Variants in HSD17B12 observed in about 807,000 individuals in gnomAD.
HSD17B12 encodes the protein very-long-chain 3-oxoacyl-CoA reductase.
In HSD17B12, 32 loss-of-function variants were observed where a neutral mutation model predicts 39.3. The observed-to-expected ratio is 0.81, with a 90% CI of 0.61 to 1.09. HSD17B12 has a LOEUF of 1.09. Among genes scored for constraint, HSD17B12 ranks in the 50% least tolerant of loss-of-function variants. HSD17B12 has a pLI of 0.00. For missense variants in HSD17B12, 342 were observed against 382.9 expected, an observed-to-expected ratio of 0.89 and a Z score of 0.89; for synonymous variants, 150 against 146.7, an observed-to-expected ratio of 1.02 and a Z score of -0.16.
chr11:43,729,253 T>C (rs1295143170), intron 1 of HSD17B12, among the ~76,000 whole-genome samples: 2 of 152,240 alleles, frequency 1.3e-5, no homozygotes, highest in Non-Finnish European at 2.9e-5. Context: ...TGAGGACTAT[T>C]GTACATCTAA....
chr11:43,572,413 A>T, the HSD17B12 span, among the ~76,000 whole-genome samples: 1 of 152,174 alleles, frequency 6.6e-6, no homozygotes, highest in African/African-American at 2.4e-5. Context: ...CTCCAACTCC[A>T]CATGTTGGGG....
chr11:43,821,994 ATTCC>A (rs571941525), intron 6 of HSD17B12, among the ~76,000 whole-genome samples: 3 of 152,186 alleles, frequency 2.0e-5, no homozygotes, highest in Non-Finnish European at 2.9e-5. Flanking sequence ...TGGGAAAACC[ATTCC>A]TTCAGGTGAT....
intron 6 of HSD17B12, among the ~76,000 whole-genome samples, chr11:43,824,893 G>A (rs775184926): frequency 1.3e-5 from 2 of 152,220 alleles, no homozygotes; most frequent in Non-Finnish European, 2.9e-5. Context: ...CTACTCAGGA[G>A]GCTGAGGCAG....
At chr11:43,558,259 G>T in the HSD17B12 span, among the ~76,000 whole-genome samples, 3 of 152,018 alleles carry the variant, frequency 2.0e-5, no homozygotes, top group African/African-American at 4.8e-5. Context: ...GACCTTGGGG[G>T]CCAGAGTTCA....
At position 43,798,698 on chromosome 11, in the gene HSD17B12, A is replaced by G. The variant is rs116512815; in HGVS notation, c.391+271A>G. Among the ~76,000 whole-genome samples, 1,323 of 152,202 alleles carry G rather than the reference A, an allele frequency of 8.7e-3. 23 individuals are homozygous for G. Among genetic ancestry groups the G allele is most frequent in the African/African-American group, 0.03 (1,240 of 41,548 alleles). ...GATATACAGTTGTCCCTGGGTATCT[A>G]TGGGTATAGGTTCCAGGACCTCTTC... On this transcript the variant is annotated intron_variant, in intron 4 of 10. Transcript: ENST00000278353.
chr11:43,844,560 CAAA>C (rs796417997), intron 9 of HSD17B12, among the ~76,000 whole-genome samples: 1 of 127,816 alleles, frequency 7.8e-6, no homozygotes, highest in Non-Finnish European at 1.7e-5. Flanking sequence ...AAAGTCCAGT[CAAA>C]AAAAAAAAAA....
At chr11:43,753,426 C>A (rs1288954202) in intron 2 of HSD17B12, among the ~76,000 whole-genome samples, 1 of 148,066 alleles carries the variant, frequency 6.8e-6, no homozygotes, top group Non-Finnish European at 1.5e-5. Flanking sequence ...GCTCTGTTGC[C>A]CAGGCTGGAG....
At chr11:43,652,320 A>G in the HSD17B12 span, among the ~76,000 whole-genome samples, 1 of 152,184 alleles carries the variant, frequency 6.6e-6, no homozygotes, top group Non-Finnish European at 1.5e-5. Context: ...GGAAAAAGGA[A>G]CTTTTTCCTC....
At chr11:43,564,878 C>T in the HSD17B12 span, among the ~76,000 whole-genome samples, 4 of 144,684 alleles carry the variant, frequency 2.8e-5, no homozygotes, top group Admixed American at 1.4e-4. Context: ...ACAGGCAGAA[C>T]GGGTTGAGTC....
chr11:43,753,974 TG>T, intron 2 of HSD17B12, 71 bp from the exon 3 acceptor site: 1 of 880,608 alleles, frequency 1.1e-6, no homozygotes, highest in Non-Finnish European at 1.8e-6. Flanking sequence ...TTTCTTAAAA[TG>T]GGGGTTATAG....
the HSD17B12 span, among the ~76,000 whole-genome samples, chr11:43,574,980 G>A: frequency 6.6e-6 from 1 of 152,186 alleles, no homozygotes; most frequent in African/African-American, 2.4e-5. Context: ...GGGGAAAGCC[G>A]CAGTAGCAAG....
the HSD17B12 span, among the ~76,000 whole-genome samples, chr11:43,580,077 A>T: frequency 2.7e-5 from 3 of 110,130 alleles, no homozygotes; most frequent in South Asian, 9.3e-4. Context: ...GGGGGGGGGG[A>T]GGGGCAGGAG....
chr11:43,592,420 A>T, the HSD17B12 span, among the ~76,000 whole-genome samples: 1 of 152,154 alleles, frequency 6.6e-6, no homozygotes, highest in African/African-American at 2.4e-5. Flanking sequence ...ATCAAATATT[A>T]AAAAAAGACA....
the HSD17B12 span, among the ~76,000 whole-genome samples, chr11:43,647,432 C>T: frequency 1.4e-5 from 2 of 143,968 alleles, no homozygotes; most frequent in South Asian, 2.2e-4. Context: ...TGCTCCACCA[C>T]ACCTTGCTAA....
chr11:43,643,535 A>C, the HSD17B12 span, among the ~76,000 whole-genome samples: 1 of 152,274 alleles, frequency 6.6e-6, no homozygotes, highest in East Asian at 1.9e-4. Flanking sequence ...GCATTATTAT[A>C]TTTCTGATTA....
upstream of HSD17B12, among the ~76,000 whole-genome samples, chr11:43,679,539 T>A (rs565860034): frequency 1.4e-4 from 21 of 152,208 alleles, no homozygotes; most frequent in Admixed American, 5.9e-4. Flanking sequence ...CTAACGTAGT[T>A]CCCATGCCTC....
the HSD17B12 span, among the ~76,000 whole-genome samples, chr11:43,631,977 G>C: frequency 1.3e-5 from 2 of 152,072 alleles, no homozygotes; most frequent in Non-Finnish European, 2.9e-5. Context: ...GGGGCAGCTG[G>C]TCGGTTACTA....
intron 1 of HSD17B12, among the ~76,000 whole-genome samples, chr11:43,718,392 G>A (rs1463643135): frequency 6.6e-6 from 1 of 152,042 alleles, no homozygotes; most frequent in Non-Finnish European, 1.5e-5. Flanking sequence ...TCCAACTAAA[G>A]TCCAGATGCA....
At chr11:43,832,523 G>A (rs190542596) in intron 7 of HSD17B12, among the ~76,000 whole-genome samples, 1 of 152,018 alleles carries the variant, frequency 6.6e-6, no homozygotes, top group Non-Finnish European at 1.5e-5. Context: ...AAAAATAGAG[G>A]CCCAAAGAGA....
Sources: gnomAD v4.1 joint callset for allele counts (sites outside exome capture counted in the v4.1 genomes callset) on GRCh38, gnomAD v4.1.1 for gene constraint, MANE v1.5 for transcripts, NCBI Gene and HGNC (gene_info 2026-07-23, HGNC 2026-07-21) for gene names.